Variants in PIP5K1A observed in about 807,000 individuals in gnomAD.
PIP5K1A encodes the protein phosphatidylinositol-4-phosphate 5-kinase type 1 alpha, also known as phosphatidylinositol 4-phosphate 5-kinase type-1 alpha.
PIP5K1A carries 46 observed loss-of-function variants against 72.9 expected under a neutral mutation model. The observed-to-expected ratio is 0.63, with a 90% confidence interval of 0.50 to 0.81. PIP5K1A has a LOEUF of 0.81. Among genes scored for constraint, PIP5K1A ranks in the 30% least tolerant of loss-of-function variants. The probability of loss-of-function intolerance (pLI) is 0.00; values close to 1 mark genes in which losing one functional copy is unlikely to be tolerated. For missense variants in PIP5K1A, 458 were observed against 706.1 expected, an observed-to-expected ratio of 0.65 and a Z score of 3.98; for synonymous variants, 228 against 255.1, an observed-to-expected ratio of 0.89 and a Z score of 1.01.
intron 1 of PIP5K1A, among the ~76,000 whole-genome samples, chr1:151,206,443 G>T (rs1014186853): frequency 3.3e-5 from 5 of 152,176 alleles, no homozygotes; most frequent in African/African-American, 1.2e-4. Flanking sequence ...GATATTGGTT[G>T]GGGGTGGGCA....
upstream of PIP5K1A, among the ~76,000 whole-genome samples, chr1:151,196,300 A>C (rs1684554432): frequency 6.6e-6 from 1 of 152,136 alleles, no homozygotes; most frequent in South Asian, 2.1e-4. Flanking sequence ...TTGAATACCT[A>C]TGAGCCAAAT....
At chr1:151,203,355 C>T (rs1445457276) in intron 1 of PIP5K1A, among the ~76,000 whole-genome samples, 8 of 151,812 alleles carry the variant, frequency 5.3e-5, no homozygotes, top group East Asian at 1.9e-4. Context: ...ATGGTGAAAC[C>T]CTGTCTCTGC....
intron 3 of PIP5K1A, among the ~76,000 whole-genome samples, chr1:151,225,475 CT>C (rs34557865): frequency 7.5e-5 from 11 of 145,868 alleles, no homozygotes; most frequent in Admixed American, 1.4e-4. Flanking sequence ...CCCTTCTTGC[CT>C]TTTTTTTTTT....
At chr1:151,242,777 C>G (rs1286859291) in intron 14 of PIP5K1A, among the ~76,000 whole-genome samples, 1 of 151,814 alleles carries the variant, frequency 6.6e-6, no homozygotes, top group African/African-American at 2.4e-5. Flanking sequence ...GGCATTTAAG[C>G]TGTTGGCCAG....
At chr1:151,204,408 C>G (rs1685657894) in intron 1 of PIP5K1A, among the ~76,000 whole-genome samples, 1 of 152,148 alleles carries the variant, frequency 6.6e-6, no homozygotes, top group South Asian at 2.1e-4. Flanking sequence ...AACTCCTGAT[C>G]TCAGGTGATC....
At chr1:151,244,149 A>G (rs1468875815) in intron 14 of PIP5K1A, among the ~76,000 whole-genome samples, 5 of 150,480 alleles carry the variant, frequency 3.3e-5, no homozygotes, top group African/African-American at 7.3e-5. Flanking sequence ...ATCCCTTTGA[A>G]AAAAAAAAAG....
At position 151,231,799 on chromosome 1, in the gene PIP5K1A, C is replaced by G. The variant is rs752001133; in HGVS notation, c.366C>G (p.Pro122=). The G allele has an allele frequency of 2.5e-6, 4 of 1,613,690 alleles. No homozygotes were observed. The African/African-American group carries it at 5.3e-5, about 22-fold the overall frequency. Reference sequence around the variant, plus strand: ...ACGTGGTTGAGAGTATCTTCTTTCCCAGGTACAGAGTTTAATGTTCAGGAG... The same window carrying G: ...ACGTGGTTGAGAGTATCTTCTTTCCGAGGTACAGAGTTTAATGTTCAGGAG... ...DFYVVESIFF[P]SEGSNLTPAH... Residue 122 remains proline (P), a splice_region_variant and synonymous_variant, in exon 5 of 16, where the codon CCC becomes CCG. Transcript: ENST00000368888.
At chr1:151,227,284 A>T (rs1444303406) in intron 3 of PIP5K1A, 36 bp from the exon 4 acceptor site, 1 of 1,305,768 alleles carries the variant, frequency 7.7e-7, no homozygotes, top group East Asian at 2.3e-5. Context: ...GGTGTCTTAC[A>T]TGGGAATTGT....
chr1:151,203,303 C>T (rs187735942), intron 1 of PIP5K1A, among the ~76,000 whole-genome samples: 186 of 151,932 alleles, frequency 1.2e-3, no homozygotes, highest in African/African-American at 4.3e-3. Context: ...CCAAGGCAGG[C>T]GGATCACCTG....
chr1:151,219,587 G>A (rs1372237327), intron 1 of PIP5K1A, among the ~76,000 whole-genome samples: 4 of 151,878 alleles, frequency 2.6e-5, no homozygotes, highest in East Asian at 1.9e-4. Flanking sequence ...CCAGCTACTC[G>A]GGAGGCTGAG....
chr1:151,240,072 C>T (rs772532582), intron 12 of PIP5K1A, 33 bp downstream of exon 12: 4 of 1,476,812 alleles, frequency 2.7e-6, no homozygotes, highest in Non-Finnish European at 3.8e-6. Context: ...CTGCCTACTC[C>T]TGCCCAGTGG....
intron 15 of PIP5K1A, 82 bp from the exon 16 acceptor site, chr1:151,247,781 A>C: frequency 8.3e-7 from 1 of 1,201,652 alleles, no homozygotes; most frequent in Non-Finnish European, 1.2e-6. Flanking sequence ...CTGAGGCTGA[A>C]ATAGAAATTT....
At chr1:151,233,099 CAAAAAA>C (rs11431839) in intron 7 of PIP5K1A, among the ~76,000 whole-genome samples, 1 of 107,534 alleles carries the variant, frequency 9.3e-6, no homozygotes, top group Non-Finnish European at 1.8e-5. Flanking sequence ...GACTCCGTCT[CAAAAAA>C]AAAAAAAAAA....
intron 1 of PIP5K1A, among the ~76,000 whole-genome samples, chr1:151,203,923 C>T (rs1027272572): frequency 2.0e-5 from 3 of 152,122 alleles, no homozygotes; most frequent in Admixed American, 1.3e-4. Context: ...AAATGGTCAT[C>T]GCTCACCTAT....
At chr1:151,211,021 T>G (rs1442957940) in intron 1 of PIP5K1A, among the ~76,000 whole-genome samples, 2 of 152,188 alleles carry the variant, frequency 1.3e-5, no homozygotes, top group East Asian at 3.8e-4. Context: ...TGTCCCCAAA[T>G]TATATGTTTA....
chr1:151,198,209 T>C (rs764455851), upstream of PIP5K1A: 14 of 422,288 alleles, frequency 3.3e-5, no homozygotes, highest in Non-Finnish European at 6.3e-5. Flanking sequence ...ATTAAATGTT[T>C]TGTGATATTC....
chr1:151,221,603 CAT>C (rs1255217412), intron 1 of PIP5K1A, among the ~76,000 whole-genome samples: 1 of 152,162 alleles, frequency 6.6e-6, no homozygotes, highest in African/African-American at 2.4e-5. Flanking sequence ...GGGAAGAGTA[CAT>C]TTTAATGTTG....
intron 14 of PIP5K1A, 126 bp downstream of exon 14, chr1:151,242,693 T>A (rs1691931794): frequency 5.9e-6 from 5 of 843,396 alleles, no homozygotes; most frequent in Admixed American, 4.8e-5. Context: ...AACAAACATA[T>A]ATCATACTTT....
intron 8 of PIP5K1A, 87 bp downstream of exon 8, chr1:151,234,583 CTG>C: frequency 9.7e-7 from 1 of 1,027,400 alleles, no homozygotes; most frequent in Non-Finnish European, 1.5e-6. Flanking sequence ...AGATGGAACT[CTG>C]TTCCTTAGCA....
Sources: gnomAD v4.1 joint callset for allele counts (sites outside exome capture counted in the v4.1 genomes callset) on GRCh38, gnomAD v4.1.1 for gene constraint, MANE v1.5 for transcripts, NCBI Gene and HGNC (gene_info 2026-07-23, HGNC 2026-07-21) for gene names.